Variants in NOTCH2 observed in about 807,000 individuals in gnomAD.
NOTCH2 encodes the protein neurogenic locus notch homolog protein 2.
Under a neutral mutation model 235.8 loss-of-function variants are expected in NOTCH2, and 29 were observed. That is an observed-to-expected ratio of 0.12 (90% CI 0.09 to 0.17). The LOEUF (loss-of-function observed/expected upper bound fraction) is 0.17, where lower values mean the gene tolerates loss of function less well. Among genes scored for constraint, NOTCH2 ranks in the 10% least tolerant of loss-of-function variants. The probability of loss-of-function intolerance (pLI) is 1.00; values close to 1 mark genes in which losing one functional copy is unlikely to be tolerated. For missense variants in NOTCH2, 2,285 were observed against 3,150.2 expected (o/e 0.73, Z 6.57); for synonymous variants, 1,086 against 1,141.5 (o/e 0.95, Z 0.98).
chr1:119,962,387 C>T (rs1480913612), intron 11 of NOTCH2, among the ~76,000 whole-genome samples: 1 of 152,146 alleles, frequency 6.6e-6, no homozygotes, highest in Non-Finnish European at 1.5e-5. Flanking sequence ...TGAGGAACAG[C>T]CCGGAAGCAA....
At chr1:120,039,276 G>T (rs587746072) in intron 1 of NOTCH2, among the ~76,000 whole-genome samples, 118 of 152,164 alleles carry the variant, frequency 7.8e-4, no homozygotes, top group African/African-American at 2.7e-3. Flanking sequence ...AAGTGAATAT[G>T]AAGTGTTATT....
rs772909111 is a variant in NOTCH2, at chr1:119,914,290, G to C, written c.*1016C>G. The stretch of plus-strand genomic sequence containing the variant: ...ATGGAATGCTTGGCAGGAAGTAGGG[G>C]GACCTGTGGGTGGGTAACTGGCTCT... On this transcript the variant is annotated 3_prime_UTR_variant, in exon 34 of 34. Coordinates refer to ENST00000256646, the MANE Select transcript of NOTCH2 (RefSeq NM_024408.4). 4.3e-6 allele frequency: 1 copy of C among 233,070 alleles called. No individual in the cohort carries two copies. Among genetic ancestry groups the C allele is most frequent in the Non-Finnish European group, 8.5e-6 (1 of 118,028 alleles). 14.4% of individuals were successfully genotyped at this position (233,070 alleles called of 1,614,324 possible).
intron 10 of NOTCH2, among the ~76,000 whole-genome samples, chr1:119,964,472 T>A (rs868980335): frequency 6.6e-6 from 1 of 152,184 alleles, no homozygotes. Context: ...AAACTTATCC[T>A]CTACAAGAAG....
intron 1 of NOTCH2, among the ~76,000 whole-genome samples, chr1:120,042,537 A>C (rs1319032705): frequency 7.4e-6 from 1 of 134,602 alleles, no homozygotes; most frequent in East Asian, 2.0e-4. Context: ...TAACAAGATG[A>C]AGTCCTTTGG....
intron 13 of NOTCH2, among the ~76,000 whole-genome samples, chr1:119,953,932 G>T (rs781960845): frequency 6.6e-6 from 1 of 152,098 alleles, no homozygotes; most frequent in Non-Finnish European, 1.5e-5. Context: ...AATTTCTTAT[G>T]TAAACAATGG....
chr1:119,946,841 T>C (rs1489431392), intron 17 of NOTCH2, among the ~76,000 whole-genome samples: 1 of 152,076 alleles, frequency 6.6e-6, no homozygotes, highest in African/African-American at 2.4e-5. Context: ...ATAAAAGGCA[T>C]ACAGGGTTGA....
intron 1 of NOTCH2, among the ~76,000 whole-genome samples, chr1:120,037,107 A>C (rs1309752299): frequency 1.4e-4 from 21 of 152,116 alleles, no homozygotes; most frequent in Non-Finnish European, 2.9e-4. Context: ...CGTCTATCTC[A>C]CATGATTTTT....
Position 120,069,653 on chromosome 1 carries a change from G to T in NOTCH2, c.-247C>A. ...GCTGAAACTTTCTCGGGTGTGCAAC[G>T]AAGCAGCCTCGTGTGTCCTTCCGCC... On this transcript the variant is annotated 5_prime_UTR_variant, in exon 1 of 34. Transcript: ENST00000256646. The T allele has an allele frequency of 2.2e-6, 3 of 1,358,538 alleles. No individual in the cohort carries two copies. The highest frequency in any genetic ancestry group is 9.5e-7 in the Non-Finnish European group (1 of 1,052,882). The allele number at this position is 1,358,538 out of a possible 1,614,324, so 84.2% of individuals were successfully genotyped here.
In NOTCH2 at chr1:119,911,959, G is replaced by T. The variant is rs1010704876; in HGVS notation, c.*3347C>A. On this transcript the variant is annotated 3_prime_UTR_variant, in exon 34 of 34. Transcript: ENST00000256646. Reference sequence around the variant, plus strand: ...TGCTAGGCTTTGTGGGATTCAGAAAGAAAAGAAAATTTGCTCTCTCAGCAA... The same window carrying T: ...TGCTAGGCTTTGTGGGATTCAGAAATAAAAGAAAATTTGCTCTCTCAGCAA... 1 of 233,218 alleles carries T rather than the reference G, an allele frequency of 4.3e-6. No homozygotes were observed. Among genetic ancestry groups the T allele is most frequent in the African/African-American group, 2.2e-5 (1 of 45,328 alleles). The allele number at this position is 233,218 out of a possible 1,614,324, so 14.4% of individuals were successfully genotyped here.
At chr1:120,003,620 T>G (rs1310982555) in intron 3 of NOTCH2, among the ~76,000 whole-genome samples, 2 of 151,138 alleles carry the variant, frequency 1.3e-5, no homozygotes, top group Non-Finnish European at 3.0e-5. Flanking sequence ...TTCCTCCTTT[T>G]CTCATCTAAT....
intron 2 of NOTCH2, among the ~76,000 whole-genome samples, chr1:120,009,679 T>C (rs1653107562): frequency 6.6e-6 from 1 of 150,948 alleles, no homozygotes; most frequent in African/African-American, 2.5e-5. Context: ...TGAAACTTCA[T>C]AAGGAAATTC....
rs587715008 is a variant in NOTCH2, at chr1:119,953,141, G to A, written c.2365+402C>T. On this transcript the variant is annotated intron_variant, in intron 14 of 33. Transcript: ENST00000256646. Reference sequence around the variant, plus strand: ...AGCCTAACCAACATGGAGAAACCCCGTCTCTACTAAAAATACAAAATTAGC... The same window carrying A: ...AGCCTAACCAACATGGAGAAACCCCATCTCTACTAAAAATACAAAATTAGC... 1.1e-4 allele frequency among the ~76,000 whole-genome samples: 16 copies of A among 152,138 alleles called. No individual in the cohort carries two copies. In the South Asian group the frequency reaches 2.7e-3, roughly 26 times the overall value.
Position 119,963,615 on chromosome 1 carries a change from A to G in NOTCH2, c.1874T>C (p.Leu625Pro). The stretch of plus-strand genomic sequence containing the variant: ...GCAGTTGCACTGGTAGCCATTGACC[A>G]GGTCAATGCAGCGACCATCGTTCAG... Reference protein sequence around the residue: ...PCLNDGRCIDLVNGYQCNCQP... With the variant: ...PCLNDGRCIDPVNGYQCNCQP... Residue 625 changes from leucine (L) to proline (P), a missense_variant, in exon 11 of 34, where the codon CTG becomes CCG. Physicochemically the swap from Leu to Pro is moderately conservative, Grantham distance 98. Coordinates refer to ENST00000256646, the MANE Select transcript of NOTCH2 (RefSeq NM_024408.4). 7 of 1,614,106 alleles carry G rather than the reference A, an allele frequency of 4.3e-6. No individual in the cohort carries two copies. The highest frequency in any genetic ancestry group is 5.9e-6 in the Non-Finnish European group (7 of 1,179,952).
chr1:119,922,074 C>T (rs896616163), intron 28 of NOTCH2, among the ~76,000 whole-genome samples, 162 bp downstream of exon 28: 6 of 152,204 alleles, frequency 3.9e-5, no homozygotes, highest in Non-Finnish European at 7.3e-5. Flanking sequence ...GATGCACCCA[C>T]GCTCTGACTG....
At chr1:119,985,607 G>A (rs1178035845) in intron 5 of NOTCH2, among the ~76,000 whole-genome samples, 1 of 152,048 alleles carries the variant, frequency 6.6e-6, no homozygotes, top group Admixed American at 6.6e-5. Context: ...ACAGAGCAAG[G>A]GAGAGATCAG....
chr1:119,999,425 C>T (rs1553204861), intron 3 of NOTCH2, among the ~76,000 whole-genome samples: 1 of 145,874 alleles, frequency 6.9e-6, no homozygotes, highest in East Asian at 2.0e-4. Flanking sequence ...AATTTAGGCA[C>T]AGCATATACA....
chr1:120,064,712 A>T (rs1655435929), intron 1 of NOTCH2, among the ~76,000 whole-genome samples: 1 of 137,170 alleles, frequency 7.3e-6, no homozygotes, highest in Non-Finnish European at 1.5e-5. Flanking sequence ...TTTCATCTTT[A>T]GTTTTTGTCA....
intron 2 of NOTCH2, among the ~76,000 whole-genome samples, chr1:120,029,652 C>T (rs2101328617): frequency 6.6e-6 from 1 of 151,740 alleles, no homozygotes; most frequent in Non-Finnish European, 1.5e-5. Context: ...CCTGGTCTAC[C>T]CCATATACAT....
intron 25 of NOTCH2, among the ~76,000 whole-genome samples, chr1:119,924,755 A>G (rs1649413416): frequency 6.6e-6 from 1 of 152,230 alleles, no homozygotes; most frequent in South Asian, 2.1e-4. Context: ...CTATGAAAGA[A>G]TGTTAGTAAT....
Sources: gnomAD v4.1 joint callset for allele counts (sites outside exome capture counted in the v4.1 genomes callset) on GRCh38, gnomAD v4.1.1 for gene constraint, MANE v1.5 for transcripts, NCBI Gene and HGNC (gene_info 2026-07-23, HGNC 2026-07-21) for gene names.